The following HEPHL1 variants were observed in gnomAD, a reference collection of about 807,000 sequenced individuals.
HEPHL1 encodes the protein ferroxidase HEPHL1.
Under a neutral mutation model 122.0 loss-of-function variants are expected in HEPHL1, and 123 were observed. The observed-to-expected ratio is 1.01, with a 90% CI of 0.87 to 1.17. HEPHL1 has a LOEUF of 1.17. Ranked by LOEUF, HEPHL1 falls within the 50% of genes most tolerant of loss-of-function variation. The pLI is 0.00. For missense variants in HEPHL1, 1,452 were observed against 1,430.5 expected (o/e 1.01, Z -0.24); for synonymous variants, 527 against 508.9 (o/e 1.04, Z -0.48).
At chr11:94,045,544 C>T (rs1038878225) in intron 1 of HEPHL1, 129 bp from the exon 2 acceptor site, 4 of 743,910 alleles carry the variant, frequency 5.4e-6, no homozygotes, top group Non-Finnish European at 6.4e-6. Flanking sequence ...CCGAGCCCTA[C>T]AGAGGTTGCA....
At chr11:94,021,570 A>T in intron 1 of HEPHL1, 32 bp downstream of exon 1, 1 of 1,541,156 alleles carries the variant, frequency 6.5e-7, no homozygotes, top group Non-Finnish European at 8.8e-7. Flanking sequence ...ATTGACTCCC[A>T]GGTTTGGCCT....
At position 94,088,698 on chromosome 11, in the gene HEPHL1, C is replaced by T. The variant is rs551691828; in HGVS notation, c.2081-57C>T. On this transcript the variant is annotated intron_variant, in intron 11 of 19. Transcript: ENST00000315765. ...AATATGCAGGTTTGCTAAAAACAGACCATCACCAACAAAAATACCGAGCAC... is the reference window on the plus strand; with the variant it reads ...AATATGCAGGTTTGCTAAAAACAGATCATCACCAACAAAAATACCGAGCAC... 5.9e-5 allele frequency: 79 copies of T among 1,344,854 alleles called. No homozygotes were observed. The African/African-American group carries it at 8.3e-4, about 14-fold the overall frequency. The allele number at this position is 1,344,854 out of a possible 1,614,324, so 83.3% of individuals were successfully genotyped here. A position where few individuals can be genotyped will look rare whatever the true frequency, so the allele number is the denominator to read the frequency against.
In HEPHL1 at chr11:94,088,783, G is replaced by GC. The variant is rs1946238866; in HGVS notation, c.2113dup (p.His705ProfsTer11). 1 of 1,613,712 alleles carries GC rather than the reference G, an allele frequency of 6.2e-7. No homozygotes were observed. Among genetic ancestry groups the GC allele is most frequent in the African/African-American group, 1.3e-5 (1 of 74,902 alleles). ...TTTTTAGGGTGTTTTGTGCCACCAT[G>GC]CCCCACCTCTCGAGAGGCATGGGTC... On this transcript the variant is annotated frameshift_variant, in exon 12 of 20. Coordinates refer to ENST00000315765, the MANE Select transcript of HEPHL1 (RefSeq NM_001098672.2). LOFTEE classifies it high-confidence loss of function.
At chr11:94,097,599 C>G (rs1008662137) in intron 13 of HEPHL1, among the ~76,000 whole-genome samples, 7 of 152,074 alleles carry the variant, frequency 4.6e-5, no homozygotes, top group Non-Finnish European at 8.8e-5. Context: ...ATTGATCTGT[C>G]TAATGTTGAC....
Position 94,073,437 on chromosome 11 carries a change from A to G in HEPHL1, c.1502A>G (p.Asp501Gly). 1.3e-6 allele frequency: 2 copies of G among 1,552,834 alleles called. No homozygotes were observed. Among genetic ancestry groups the G allele is most frequent in the Non-Finnish European group, 1.7e-6 (2 of 1,147,182 alleles). Residue 501 changes from aspartate to glycine, a missense_variant and splice_region_variant, in exon 8 of 20, where the codon GAT (aspartate) becomes GGT (glycine). Transcript: ENST00000315765. Reference sequence around the variant, plus strand: ...GCATCTGATGCAGCCCCAAACCTAGATGGTAAGTCTCACTCTGGGCTTAGG... The same window carrying G: ...GCATCTGATGCAGCCCCAAACCTAGGTGGTAAGTCTCACTCTGGGCTTAGG... ...DKASDAAPNL[D>G]GFVKPGAHVK...
At chr11:94,066,947 T>TGAAC (rs1946040204) in intron 4 of HEPHL1, among the ~76,000 whole-genome samples, 2 of 152,158 alleles carry the variant, frequency 1.3e-5, no homozygotes, top group East Asian at 1.9e-4. Flanking sequence ...CTTTTTAAAG[T>TGAAC]AAACAAACAA....
At chr11:94,100,824 T>C (rs1417704008) in intron 13 of HEPHL1, among the ~76,000 whole-genome samples, 1 of 152,204 alleles carries the variant, frequency 6.6e-6, no homozygotes, top group Non-Finnish European at 1.5e-5. Flanking sequence ...CAAGTACTTA[T>C]GGTGTATCAG....
chr11:94,066,297 G>A (rs1366084253), intron 4 of HEPHL1, among the ~76,000 whole-genome samples: 2 of 151,696 alleles, frequency 1.3e-5, no homozygotes, highest in African/African-American at 4.8e-5. Flanking sequence ...GCACACGCCT[G>A]TAATCCCAGC....
intron 1 of HEPHL1, among the ~76,000 whole-genome samples, chr11:94,043,069 C>T (rs764762021): frequency 2.0e-4 from 30 of 151,876 alleles, no homozygotes; most frequent in South Asian, 4.2e-4. Flanking sequence ...TCCATGATAC[C>T]TGACACGTGC....
chr11:94,100,914 G>GA (rs1353111501), intron 13 of HEPHL1, among the ~76,000 whole-genome samples: 1 of 152,138 alleles, frequency 6.6e-6, no homozygotes, highest in African/African-American at 2.4e-5. Context: ...TTACTAAACT[G>GA]ATGTTACAGA....
intron 9 of HEPHL1, among the ~76,000 whole-genome samples, chr11:94,075,756 T>C (rs1946118255): frequency 6.6e-6 from 1 of 152,148 alleles, no homozygotes; most frequent in African/African-American, 2.4e-5. Flanking sequence ...TAAACATCCA[T>C]TATTCAGATA....
At chr11:94,075,064 T>C in intron 8 of HEPHL1, 110 bp from the exon 9 acceptor site, 2 of 838,764 alleles carry the variant, frequency 2.4e-6, no homozygotes, top group Non-Finnish European at 3.8e-6. Flanking sequence ...ACTCTCCTGG[T>C]ACAAAATTCT....
chr11:94,041,207 C>A (rs1222090277), intron 1 of HEPHL1, among the ~76,000 whole-genome samples: 1 of 150,844 alleles, frequency 6.6e-6, no homozygotes, highest in Non-Finnish European at 1.5e-5. Context: ...CAAGCCACTG[C>A]TCAAGGAAAT....
intron 1 of HEPHL1, among the ~76,000 whole-genome samples, chr11:94,035,494 T>TA (rs1565344914): frequency 6.6e-6 from 1 of 152,172 alleles, no homozygotes; most frequent in Non-Finnish European, 1.5e-5. Context: ...TTCCTTTTTT[T>TA]AAAAAATCTT....
At chr11:94,108,239 T>TA (rs1001348986) in intron 17 of HEPHL1, among the ~76,000 whole-genome samples, 2 of 152,082 alleles carry the variant, frequency 1.3e-5, no homozygotes, top group Admixed American at 6.6e-5. Flanking sequence ...TAAGCCCATT[T>TA]AAAAAAATTG....
intron 13 of HEPHL1, among the ~76,000 whole-genome samples, chr11:94,097,275 C>T (rs532314262): frequency 2.6e-5 from 4 of 152,244 alleles, no homozygotes; most frequent in Non-Finnish European, 5.9e-5. Flanking sequence ...TTGTTATGTA[C>T]CCAGTAGTCA....
rs972596323 is a variant in HEPHL1 at position 94,086,144 on chromosome 11, T to C, written c.2035T>C (p.Phe679Leu). The C allele has an allele frequency of 6.2e-7, 1 of 1,612,244 alleles. No homozygotes were observed. The highest frequency in any genetic ancestry group is 8.5e-7 in the Non-Finnish European group (1 of 1,179,482). Residue 679 changes from phenylalanine to leucine, a missense_variant, in exon 11 of 20, where the codon TTT becomes CTT. By Grantham distance (22) the Phe-to-Leu change is conservative. Transcript: ENST00000315765. ...GACTCACCGAGACTCCCTGGCCCTGTTTCCCCACATGGCCACAACAGCATT... is the reference window on the plus strand; with the variant it reads ...GACTCACCGAGACTCCCTGGCCCTGCTTCCCCACATGGCCACAACAGCATT... The part of the protein sequence containing the change: ...RGTHRDSLAL[F>L]PHMATTAFMQ...
intron 9 of HEPHL1, among the ~76,000 whole-genome samples, chr11:94,077,632 T>C (rs1345602904): frequency 6.6e-6 from 1 of 152,234 alleles, no homozygotes; most frequent in African/African-American, 2.4e-5. Context: ...GGCATGATTT[T>C]TCTAAAGTGC....
chr11:94,111,470 G>A lies in HEPHL1; in HGVS notation c.3209-67G>A, dbSNP rs377682722. On this transcript the variant is annotated intron_variant, in intron 18 of 19. Transcript: ENST00000315765. ...TAAGTCCTCGCTGGTGAAATGAAAT[G>A]ACTAGTGTCATGAAAAGAATCCCCT... 4.3e-5 allele frequency: 52 copies of A among 1,221,496 alleles called. 2 individuals carry two copies. The African/African-American group carries it at 6.3e-4, about 15-fold the overall frequency. The allele number at this position is 1,221,496 out of a possible 1,614,324, so 75.7% of individuals were successfully genotyped here.
Sources: gnomAD v4.1 joint callset for allele counts (sites outside exome capture counted in the v4.1 genomes callset) on GRCh38, gnomAD v4.1.1 for gene constraint, MANE v1.5 for transcripts, NCBI Gene and HGNC (gene_info 2026-07-23, HGNC 2026-07-21) for gene names.